Variants in MBLAC2 observed in about 807,000 individuals in gnomAD.
MBLAC2 encodes acyl-coenzyme A thioesterase MBLAC2.
A neutral mutation model predicts 23.3 loss-of-function variants in MBLAC2; 24 were observed. The observed-to-expected ratio is 1.03, with a 90% CI of 0.75 to 1.45. The LOEUF is 1.45. MBLAC2 is among the 40% of genes most tolerant of loss of function. The probability of loss-of-function intolerance (pLI) is 0.00; values close to 1 mark genes in which losing one functional copy is unlikely to be tolerated. For synonymous variants in MBLAC2, 162 were observed against 150.9 expected (o/e 1.07, Z -0.54); for missense variants, 358 against 370.0 (o/e 0.97, Z 0.27).
intron 1 of MBLAC2, among the ~76,000 whole-genome samples, chr5:90,469,500 T>C (rs760223799): frequency 4.6e-5 from 7 of 152,190 alleles, no homozygotes; most frequent in Non-Finnish European, 1.0e-4. Flanking sequence ...ATTGTTCTAT[T>C]TATTTTTAAA....
intron 1 of MBLAC2, chr5:90,471,782 A>G (rs968356420): frequency 7.2e-5 from 11 of 152,224 alleles, no homozygotes; most frequent in African/African-American, 2.4e-4. Context: ...TTAGCAGGCC[A>G]CATCATTCAG....
At chr5:90,467,941 G>A (rs1302012720) in intron 1 of MBLAC2, among the ~76,000 whole-genome samples, 1 of 152,120 alleles carries the variant, frequency 6.6e-6, no homozygotes, top group Non-Finnish European at 1.5e-5. Flanking sequence ...GTCTAGAAAA[G>A]ACTGTATCTT....
intron 1 of MBLAC2, among the ~76,000 whole-genome samples, chr5:90,465,698 G>A (rs539804824): frequency 4.0e-4 from 61 of 152,082 alleles, no homozygotes; most frequent in Non-Finnish European, 7.9e-4. Context: ...CTTCCAAGTA[G>A]CTGGGACTAC....
In MBLAC2 at chr5:90,474,571, G is replaced by A. The variant is rs942637990; in HGVS notation, c.-279C>T. On this transcript the variant is annotated 5_prime_UTR_variant, in exon 1 of 2. Coordinates refer to ENST00000316610, the MANE Select transcript of MBLAC2 (RefSeq NM_203406.2). ...GGGCGCAGGAGCTACCGCAGCCTCG[G>A]CAGCCGCACCACGAGAGAGCTTTAA... 1.0e-5 allele frequency: 5 copies of A among 479,434 alleles called. No homozygotes were observed. The highest frequency in any genetic ancestry group is 3.8e-5 in the Admixed American group (1 of 26,032). The allele number at this position is 479,434 out of a possible 1,614,324, so 29.7% of individuals were successfully genotyped here. A position where few individuals can be genotyped will look rare whatever the true frequency, so the allele number is the denominator to read the frequency against.
chr5:90,464,460 C>T (rs1750418359), intron 1 of MBLAC2, among the ~76,000 whole-genome samples: 1 of 152,022 alleles, frequency 6.6e-6, no homozygotes, highest in Non-Finnish European at 1.5e-5. Flanking sequence ...TGTTTTGTGC[C>T]TGTAGTCCCA....
intron 1 of MBLAC2, 161 bp downstream of exon 1, chr5:90,473,678 C>T (rs1750614727): frequency 1.3e-6 from 1 of 750,752 alleles, no homozygotes; most frequent in African/African-American, 1.7e-5. Flanking sequence ...TGACTCTGGT[C>T]AAGTGGGTTT....
chr5:90,467,752 GGC>G (rs1491557156), intron 1 of MBLAC2, among the ~76,000 whole-genome samples: 53 of 146,146 alleles, frequency 3.6e-4, no homozygotes, highest in Non-Finnish European at 5.0e-4. Flanking sequence ...TTTTGGGGGG[GGC>G]GGTTTGTTTG....
At chr5:90,463,815 C>G (rs1045477830) in intron 1 of MBLAC2, among the ~76,000 whole-genome samples, 2 of 151,836 alleles carry the variant, frequency 1.3e-5, no homozygotes, top group Non-Finnish European at 2.9e-5. Flanking sequence ...TATTTGAAAA[C>G]TACAACAAAA....
Position 90,474,545 on chromosome 5 carries a change from G to C in MBLAC2, c.-253C>G, listed in dbSNP as rs1236623127. On this transcript the variant is annotated 5_prime_UTR_variant, in exon 1 of 2. Transcript: ENST00000316610. ...AAGCAGAGGCTGCGCCACCAGCACG[G>C]GGGCGCAGGAGCTACCGCAGCCTCG... The C allele has an allele frequency of 1.3e-5, 7 of 518,860 alleles. No individual in the cohort carries two copies. In the East Asian group the frequency reaches 2.4e-4, roughly 18 times the overall value. The allele number at this position is 518,860 out of a possible 1,614,324, so 32.1% of individuals were successfully genotyped here. A position where few individuals can be genotyped will look rare whatever the true frequency, so the allele number is the denominator to read the frequency against.
intron 1 of MBLAC2, among the ~76,000 whole-genome samples, chr5:90,466,634 G>A (rs1269920455): frequency 6.6e-6 from 1 of 152,138 alleles, no homozygotes; most frequent in Non-Finnish European, 1.5e-5. Flanking sequence ...AGAATATATA[G>A]AGCTTGCATA....
At chr5:90,473,716 G>A (rs534700015) in intron 1 of MBLAC2, 123 bp downstream of exon 1, 11 of 927,946 alleles carry the variant, frequency 1.2e-5, no homozygotes, top group South Asian at 4.2e-5. Context: ...AAACAGAAGT[G>A]GCTCTGCGAG....
intron 1 of MBLAC2, among the ~76,000 whole-genome samples, chr5:90,469,845 G>C (rs908286632): frequency 1.3e-5 from 2 of 152,122 alleles, no homozygotes; most frequent in African/African-American, 4.8e-5. Flanking sequence ...ACTGAAAATA[G>C]AACTACCATA....
intron 1 of MBLAC2, among the ~76,000 whole-genome samples, chr5:90,462,814 A>T (rs548832620): frequency 6.6e-6 from 1 of 152,322 alleles, no homozygotes; most frequent in South Asian, 2.1e-4. Flanking sequence ...TTCATAAAAT[A>T]AGTAAATAGA....
chr5:90,467,676 T>TGTTA, intron 1 of MBLAC2, among the ~76,000 whole-genome samples: 1 of 149,892 alleles, frequency 6.7e-6, no homozygotes, highest in Non-Finnish European at 1.5e-5. Context: ...TTACATTCAA[T>TGTTA]GTTAGTATTG....
At chr5:90,472,912 GATAAA>G (rs1364747354) in intron 1 of MBLAC2, 10 of 152,246 alleles carry the variant, frequency 6.6e-5, no homozygotes, top group Middle Eastern at 3.4e-3. Flanking sequence ...GTGTTGTGAA[GATAAA>G]ATGAAATCAA....
chr5:90,474,064 G>A lies in MBLAC2; in HGVS notation c.229C>T (p.Leu77=), dbSNP rs529955899. 1.5e-5 allele frequency: 23 copies of A among 1,580,452 alleles called. No homozygotes were observed. The East Asian group carries it at 3.4e-4, about 24-fold the overall frequency. The change falls in exon 1 of 2, where the codon CTG becomes TTG. Residue 77 remains leucine (L), a synonymous_variant. Coordinates refer to ENST00000316610, the MANE Select transcript of MBLAC2 (RefSeq NM_203406.2). The stretch of plus-strand genomic sequence containing the variant: ...TGCACGTGGGTGGCCACGGCAAGCA[G>A]TGGCCGGCGCGCCGCGTCCTCTTTG... ...EAKEDAARRP[L]LAVATHVHFD...
intron 1 of MBLAC2, among the ~76,000 whole-genome samples, chr5:90,466,472 C>T (rs1037267032): frequency 1.3e-5 from 2 of 152,110 alleles, no homozygotes; most frequent in African/African-American, 4.8e-5. Flanking sequence ...TTAAATATGA[C>T]ACAACAATCA....
chr5:90,473,451 T>C, intron 1 of MBLAC2: 1 of 554,526 alleles, frequency 1.8e-6, no homozygotes, highest in Non-Finnish European at 3.2e-6. Context: ...GGTCATTCCT[T>C]AAAAGTCTGC....
At chr5:90,464,278 TAAC>T (rs777962126) in intron 1 of MBLAC2, among the ~76,000 whole-genome samples, 1 of 152,134 alleles carries the variant, frequency 6.6e-6, no homozygotes, top group Non-Finnish European at 1.5e-5. Context: ...TATATTAAAA[TAAC>T]AACAACATCA....
Sources: allele counts gnomAD v4.1 joint callset (sites outside exome capture counted in the v4.1 genomes callset), GRCh38; gene constraint gnomAD v4.1.1; transcripts MANE v1.5; gene names NCBI Gene and HGNC (gene_info 2026-07-23, HGNC 2026-07-21).